The following PIEZO2 variants were observed in gnomAD, a reference collection of about 807,000 sequenced individuals.
The protein encoded by PIEZO2 is piezo type mechanosensitive ion channel component 2.
Under a neutral mutation model 337.3 loss-of-function variants are expected in PIEZO2, and 172 were observed. The ratio of observed to expected loss-of-function variants is 0.51; its 90% CI spans 0.45 to 0.58. The LOEUF (loss-of-function observed/expected upper bound fraction) is 0.58, where lower values mean the gene tolerates loss of function less well. Ranked by LOEUF, PIEZO2 falls within the 20% of genes least tolerant of loss-of-function variation. The probability of loss-of-function intolerance (pLI) is 0.00; values close to 1 mark genes in which losing one functional copy is unlikely to be tolerated. For synonymous variants in PIEZO2, 1,251 were observed against 1,228.5 expected (o/e 1.02, Z -0.38); for missense variants, 3,028 against 3,391.3 (o/e 0.89, Z 2.66).
intron 1 of PIEZO2, among the ~76,000 whole-genome samples, chr18:11,088,480 CT>C (rs141740295): frequency 0.076 from 11,566 of 152,292 alleles, 489 homozygotes; most frequent in Middle Eastern, 0.19. Flanking sequence ...CTAACATGCT[CT>C]GATTGAATTG....
chr18:10,904,799 A>C (rs2043135291), intron 4 of PIEZO2, among the ~76,000 whole-genome samples: 1 of 152,226 alleles, frequency 6.6e-6, no homozygotes, highest in Non-Finnish European at 1.5e-5. Flanking sequence ...AGTCACTGAG[A>C]TATGGGGTTG....
At chr18:10,697,643 G>A in intron 45 of PIEZO2, 105 bp downstream of exon 45, 2 of 1,425,294 alleles carry the variant, frequency 1.4e-6, no homozygotes, top group Non-Finnish European at 1.9e-6. Context: ...GATAACATTT[G>A]TGACACGAGA....
At chr18:10,744,272 C>A (rs944818538) in intron 30 of PIEZO2, 41 bp from the exon 31 acceptor site, 1 of 1,259,082 alleles carries the variant, frequency 7.9e-7, no homozygotes, top group Non-Finnish European at 1.1e-6. Flanking sequence ...AATATTCTTG[C>A]CATTGTTGTT....
At chr18:11,007,264 G>T (rs918770700) in intron 2 of PIEZO2, among the ~76,000 whole-genome samples, 1 of 152,170 alleles carries the variant, frequency 6.6e-6, no homozygotes, top group African/African-American at 2.4e-5. Flanking sequence ...CTTAAGGAAA[G>T]TTAATAAATA....
intron 7 of PIEZO2, among the ~76,000 whole-genome samples, chr18:10,814,212 G>A (rs968013793): frequency 6.6e-5 from 10 of 151,966 alleles, no homozygotes; most frequent in African/African-American, 1.9e-4. Context: ...CTCATGATCT[G>A]CCCGCCTTGG....
intron 3 of PIEZO2, among the ~76,000 whole-genome samples, chr18:10,912,045 A>T (rs1343421128): frequency 2.0e-5 from 3 of 152,152 alleles, no homozygotes; most frequent in Non-Finnish European, 4.4e-5. Context: ...TTGACCACAG[A>T]ATTCACATAT....
At position 10,760,908 on chromosome 18, in the gene PIEZO2, C is replaced by T. The variant is rs2038100055; in HGVS notation, c.3450+3G>A. The T allele has an allele frequency of 6.6e-7, 1 of 1,523,466 alleles. No homozygotes were observed. The highest frequency in any genetic ancestry group is 1.4e-5 in the African/African-American group (1 of 72,684). The allele number at this position is 1,523,466 out of a possible 1,614,324, so 94.4% of individuals were successfully genotyped here. On this transcript the variant is annotated splice_donor_region_variant and intron_variant, in intron 24 of 55. Coordinates refer to ENST00000674853, the MANE Select transcript of PIEZO2 (RefSeq NM_001378183.1). ...AATAAAACATATCAGCAAGGAAACT[C>T]ACCTCCAGACCAAACTTGTAAAAGA...
In PIEZO2 at chr18:10,855,981, T is replaced by C. The variant is rs1366786938; in HGVS notation, c.704-415A>G. On this transcript the variant is annotated intron_variant, in intron 6 of 55. Coordinates refer to ENST00000674853, the MANE Select transcript of PIEZO2 (RefSeq NM_001378183.1). This position sits in a 1 kb window ranked among gnomAD's most constrained non-coding sequence, Gnocchi z 4.9. ...TTTTCTTTATAATAATTTACTACTT[T>C]TTTTTTTTAAGTTAACTAGTACATC... Among the ~76,000 whole-genome samples, 1 of 150,326 alleles carries C rather than the reference T, an allele frequency of 6.7e-6. No individual in the cohort carries two copies. The highest frequency in any genetic ancestry group is 1.5e-5 in the Non-Finnish European group (1 of 67,908).
At chr18:11,082,372 C>T (rs1283711370) in intron 1 of PIEZO2, among the ~76,000 whole-genome samples, 10 of 151,000 alleles carry the variant, frequency 6.6e-5, no homozygotes, top group Admixed American at 6.6e-5. Flanking sequence ...GGCTGGAGTG[C>T]AGTGGCGCGA....
chr18:10,803,829 A>G, intron 9 of PIEZO2, 46 bp downstream of exon 9: 1 of 1,533,924 alleles, frequency 6.5e-7, no homozygotes, highest in Non-Finnish European at 8.7e-7. Context: ...GTAAAATACA[A>G]AAACAGAAAA....
At chr18:11,117,761 T>G (rs1025461395) in intron 1 of PIEZO2, among the ~76,000 whole-genome samples, 1 of 152,176 alleles carries the variant, frequency 6.6e-6, no homozygotes, top group African/African-American at 2.4e-5. Context: ...GTGAAATCAA[T>G]GGGGCTCTTC....
Position 11,126,523 on chromosome 18 carries a change from C to T in PIEZO2, c.64+22002G>A, listed in dbSNP as rs573327316. On this transcript the variant is annotated intron_variant, in intron 1 of 55. Coordinates refer to ENST00000674853, the MANE Select transcript of PIEZO2 (RefSeq NM_001378183.1). This position sits in a 1 kb window ranked among gnomAD's most constrained non-coding sequence, Gnocchi z 4.6. The stretch of plus-strand genomic sequence containing the variant: ...ATCATTCAAAATACTCCAAGGCCCA[C>T]GTGATCTGATGAATACCATCAGCAA... Among the ~76,000 whole-genome samples, 4 of 152,194 alleles carry T rather than the reference C, an allele frequency of 2.6e-5. No individual in the cohort carries two copies. The East Asian group carries it at 5.8e-4, about 22-fold the overall frequency.
Position 10,787,155 on chromosome 18 carries a change from T to C in PIEZO2, c.2199A>G (p.Leu733=). 6.5e-7 allele frequency: 1 copy of C among 1,533,000 alleles called. No individual in the cohort carries two copies. Among genetic ancestry groups the C allele is most frequent in the South Asian group, 1.2e-5 (1 of 82,918 alleles). The allele number at this position is 1,533,000 out of a possible 1,614,324, so 95.0% of individuals were successfully genotyped here. A position where few individuals can be genotyped will look rare whatever the true frequency, so the allele number is the denominator to read the frequency against. The change falls in exon 16 of 56, where the codon CTA becomes CTG. Residue 733 remains leucine, a synonymous_variant. Coordinates refer to ENST00000674853, the MANE Select transcript of PIEZO2 (RefSeq NM_001378183.1). ...TAACCACTGACATCCAAAAATATTTTAGAATTTTCCTCCACCATTCATAGT... is the reference window on the plus strand; with the variant it reads ...TAACCACTGACATCCAAAAATATTTCAGAATTTTCCTCCACCATTCATAGT... The part of the protein sequence containing the change: ...QVHYEWWRKI[L]KYFWMSVVIY...
At chr18:10,757,635 T>G (rs1033936142) in intron 27 of PIEZO2, among the ~76,000 whole-genome samples, 1 of 150,430 alleles carries the variant, frequency 6.6e-6, no homozygotes, top group African/African-American at 2.5e-5. Flanking sequence ...AAGATGAGGA[T>G]GAGCTATGGG....
intron 4 of PIEZO2, among the ~76,000 whole-genome samples, chr18:10,879,745 A>AC (rs2042365022): frequency 6.6e-6 from 1 of 152,006 alleles, no homozygotes; most frequent in South Asian, 2.1e-4. Context: ...CAGTGATTAT[A>AC]CCCCTTGAAA....
rs1270237465 is a variant in PIEZO2 at position 10,801,442 on chromosome 18, T to C, written c.1201-14A>G. On this transcript the variant is annotated splice_polypyrimidine_tract_variant and intron_variant, in intron 9 of 55. Transcript: ENST00000674853. The stretch of plus-strand genomic sequence containing the variant: ...CATGGATAAAAGCTGCAAAAAGCAA[T>C]GCGGGAAAGCATGTTAGTAAGGAAG... 1.3e-6 allele frequency: 2 copies of C among 1,500,144 alleles called. No individual in the cohort carries two copies. Among genetic ancestry groups the C allele is most frequent in the Non-Finnish European group, 9.0e-7 (1 of 1,113,012 alleles). The allele number at this position is 1,500,144 out of a possible 1,614,324, so 92.9% of individuals were successfully genotyped here.
At chr18:10,731,177 TTATATATATATATATATATATA>T (rs60508630) in intron 36 of PIEZO2, among the ~76,000 whole-genome samples, 12 of 35,242 alleles carry the variant, frequency 3.4e-4, no homozygotes, top group South Asian at 9.0e-4. Context: ...ACTTAAAAGA[TTATATATATATATATATATATA>T]TATATATATA....
At chr18:10,964,753 C>A (rs2033930939) in intron 3 of PIEZO2, among the ~76,000 whole-genome samples, 1 of 152,208 alleles carries the variant, frequency 6.6e-6, no homozygotes, top group South Asian at 2.1e-4. Flanking sequence ...AGTAATCATG[C>A]CCCATTCTAC....
intron 7 of PIEZO2, among the ~76,000 whole-genome samples, chr18:10,826,796 A>G (rs1368646522): frequency 1.3e-5 from 2 of 152,210 alleles, no homozygotes; most frequent in African/African-American, 2.4e-5. Flanking sequence ...CGTATTCACC[A>G]CTACGGTACC....
Sources: allele counts gnomAD v4.1 joint callset (sites outside exome capture counted in the v4.1 genomes callset), GRCh38; gene constraint gnomAD v4.1.1; non-coding constraint Gnocchi (gnomAD v3.1); transcripts MANE v1.5; gene names NCBI Gene and HGNC (gene_info 2026-07-23, HGNC 2026-07-21).